The following DLC1 variants were observed in gnomAD, a reference collection of about 807,000 sequenced individuals.
DLC1 encodes the protein rho GTPase-activating protein 7.
In DLC1, 54 loss-of-function variants were observed where a neutral mutation model predicts 140.3. The observed-to-expected ratio is 0.38, with a 90% CI of 0.31 to 0.48. The LOEUF (loss-of-function observed/expected upper bound fraction) is 0.48, where lower values mean the gene tolerates loss of function less well. DLC1 is among the 20% of genes least tolerant of loss of function. The pLI is 0.96. For missense variants in DLC1, 2,536 were observed against 1,907.0 expected (o/e 1.33, Z -6.14); for synonymous variants, 986 against 728.1 (o/e 1.35, Z -5.70).
At chr8:13,361,421 A>AT (rs140820404) in intron 4 of DLC1, among the ~76,000 whole-genome samples, 13 of 150,000 alleles carry the variant, frequency 8.7e-5, no homozygotes, top group East Asian at 4.0e-4. Flanking sequence ...TGCTCTGCTA[A>AT]TTTTTTTTTT....
At chr8:13,566,900 G>A (rs1804454249) in intron 1 of DLC1, 2 of 1,427,392 alleles carry the variant, frequency 1.4e-6, no homozygotes, top group Admixed American at 2.9e-5. Flanking sequence ...ATGGCATTGA[G>A]ATCCATTCCC....
At chr8:13,218,773 A>G (rs1020041676) in intron 5 of DLC1, among the ~76,000 whole-genome samples, 5 of 132,610 alleles carry the variant, frequency 3.8e-5, no homozygotes, top group Non-Finnish European at 6.2e-5. Context: ...TCATGTTTAT[A>G]TATTTTATAT....
rs150834846 is a variant in DLC1 at position 13,090,264 on chromosome 8, C to T, written c.4062G>A (p.Leu1354=). 2.3e-3 allele frequency: 3,653 copies of T among 1,614,010 alleles called. 7 individuals are homozygous for T. Among genetic ancestry groups the T allele is most frequent in the Non-Finnish European group, 2.9e-3 (3,397 of 1,179,956 alleles). ...VSYSTSEQAE[L]SYKKVSEGPP... The stretch of plus-strand genomic sequence containing the variant: ...GGTGAAGCCTTACCTTCTTATAGGA[C>T]AGCTCAGCCTGCTCCGAAGTGGAGT... Residue 1354 remains leucine (L), a synonymous_variant, in exon 15 of 18, where the codon CTG becomes CTA. Transcript: ENST00000276297.
intron 5 of DLC1, among the ~76,000 whole-genome samples, chr8:13,301,168 T>C (rs943151489): frequency 6.6e-6 from 1 of 152,018 alleles, no homozygotes; most frequent in Non-Finnish European, 1.5e-5. Context: ...GAAACTAATA[T>C]TTTTTTGAAA....
chr8:13,352,279 A>C (rs1305372095), intron 4 of DLC1, among the ~76,000 whole-genome samples: 3 of 152,264 alleles, frequency 2.0e-5, no homozygotes, highest in Non-Finnish European at 4.4e-5. Flanking sequence ...CAAAAGCAAC[A>C]GGAAGTAAAG....
At chr8:13,590,634 T>C (rs1484434553) in intron 1 of DLC1, among the ~76,000 whole-genome samples, 2 of 152,122 alleles carry the variant, frequency 1.3e-5, no homozygotes, top group African/African-American at 2.4e-5. Flanking sequence ...CTTCAAAATA[T>C]TCTTTAGTAA....
intron 1 of DLC1, among the ~76,000 whole-genome samples, chr8:13,601,144 C>G (rs1392027741): frequency 1.3e-5 from 2 of 151,736 alleles, no homozygotes; most frequent in African/African-American, 4.8e-5. Flanking sequence ...TCAAGCAGTT[C>G]TAACATAATA....
intron 1 of DLC1, among the ~76,000 whole-genome samples, chr8:13,551,954 G>C (rs1280717854): frequency 7.1e-6 from 1 of 140,430 alleles, no homozygotes; most frequent in Non-Finnish European, 1.6e-5. Context: ...TGTACCTCTA[G>C]ACAGGTGTAT....
chr8:13,331,045 G>A (rs978664011), intron 4 of DLC1, among the ~76,000 whole-genome samples: 1 of 152,126 alleles, frequency 6.6e-6, no homozygotes, highest in African/African-American at 2.4e-5. Flanking sequence ...GAGGAGAAAA[G>A]CTCACTACCT....
intron 1 of DLC1, among the ~76,000 whole-genome samples, chr8:13,524,117 ATTATTATTATTATT>A (rs1200450578): frequency 3.5e-5 from 2 of 56,938 alleles, no homozygotes; most frequent in African/African-American, 1.0e-4. Context: ...ATTTATTATT[ATTATTATTATTATT>A]ATTATTATTA....
intron 9 of DLC1, 36 bp from the exon 10 acceptor site, chr8:13,098,611 C>A (rs999953549): frequency 8.2e-6 from 13 of 1,577,810 alleles, no homozygotes; most frequent in Non-Finnish European, 1.1e-5. Context: ...GAGTGTGAAG[C>A]CTTTTTATTT....
intron 1 of DLC1, among the ~76,000 whole-genome samples, chr8:13,520,519 G>A (rs1280767177): frequency 4.6e-5 from 7 of 152,102 alleles, no homozygotes; most frequent in Admixed American, 2.0e-4. Flanking sequence ...AATACCTAAC[G>A]TAGGTGATGG....
At chr8:13,461,903 C>T (rs780862215) in intron 2 of DLC1, among the ~76,000 whole-genome samples, 13 of 152,172 alleles carry the variant, frequency 8.5e-5, no homozygotes, top group Non-Finnish European at 1.8e-4. Context: ...CTGTGTGATG[C>T]TTCTGTGGAT....
At chr8:13,491,276 A>G (rs1299697837) in intron 2 of DLC1, among the ~76,000 whole-genome samples, 1 of 151,766 alleles carries the variant, frequency 6.6e-6, no homozygotes, top group Admixed American at 6.6e-5. Context: ...TTTGTCTTTC[A>G]ATCTCTTATT....
At chr8:13,286,686 C>T (rs1183019738) in intron 5 of DLC1, among the ~76,000 whole-genome samples, 5 of 148,656 alleles carry the variant, frequency 3.4e-5, no homozygotes. Flanking sequence ...TCTCTGATAG[C>T]CAAAAACCTT....
chr8:13,555,149 A>G (rs1803996972), intron 1 of DLC1, among the ~76,000 whole-genome samples: 1 of 152,208 alleles, frequency 6.6e-6, no homozygotes, highest in South Asian at 2.1e-4. Context: ...CTCTTCAGAC[A>G]CACTTTCCTT....
intron 1 of DLC1, among the ~76,000 whole-genome samples, chr8:13,548,226 G>A (rs187982372): frequency 3.3e-5 from 5 of 151,984 alleles, no homozygotes; most frequent in East Asian, 1.9e-4. Flanking sequence ...ACAATCCCAC[G>A]CCTACCCGAC....
intron 5 of DLC1, among the ~76,000 whole-genome samples, chr8:13,272,351 G>T (rs1350586188): frequency 6.6e-6 from 1 of 152,076 alleles, no homozygotes; most frequent in South Asian, 2.1e-4. Context: ...GAGAGGCTGG[G>T]AATCTCTTGA....
At chr8:13,433,302 G>T (rs1838971579) in intron 2 of DLC1, among the ~76,000 whole-genome samples, 1 of 152,048 alleles carries the variant, frequency 6.6e-6, no homozygotes, top group Non-Finnish European at 1.5e-5. Context: ...GGGTGTTCTG[G>T]GGCTCAGTAA....
Sources: allele counts gnomAD v4.1 joint callset (sites outside exome capture counted in the v4.1 genomes callset), GRCh38; gene constraint gnomAD v4.1.1; transcripts MANE v1.5; gene names NCBI Gene and HGNC (gene_info 2026-07-23, HGNC 2026-07-21).